Variants in ARHGAP24 observed in about 807,000 individuals in gnomAD.
The protein encoded by ARHGAP24 is Rho GTPase activating protein 24, also known as rho GTPase-activating protein 24.
Under a neutral mutation model 76.4 loss-of-function variants are expected in ARHGAP24, and 50 were observed. That is an observed-to-expected ratio of 0.65 (90% CI 0.52 to 0.83). ARHGAP24 has a LOEUF of 0.83. Among genes scored for constraint, ARHGAP24 ranks in the 40% least tolerant of loss-of-function variants. The pLI, the probability that ARHGAP24 is intolerant of heterozygous loss-of-function variation, is 0.00. For synonymous variants in ARHGAP24, 345 were observed against 323.3 expected, an observed-to-expected ratio of 1.07 and a Z score of -0.72; for missense variants, 930 against 914.2, an observed-to-expected ratio of 1.02 and a Z score of -0.22.
At chr4:85,494,226 G>A (rs1723469376) in intron 1 of ARHGAP24, among the ~76,000 whole-genome samples, 1 of 151,878 alleles carries the variant, frequency 6.6e-6, no homozygotes, top group South Asian at 2.1e-4. Flanking sequence ...GTATACATGT[G>A]CCATGGTGAT....
chr4:85,550,179 A>G (rs559598338), intron 1 of ARHGAP24, among the ~76,000 whole-genome samples: 3 of 152,282 alleles, frequency 2.0e-5, no homozygotes, highest in South Asian at 4.1e-4. Context: ...AAATCACCAA[A>G]CTGCTTTTCA....
intron 2 of ARHGAP24, among the ~76,000 whole-genome samples, chr4:85,587,486 A>C (rs1432470778): frequency 6.6e-6 from 1 of 152,154 alleles, no homozygotes; most frequent in Non-Finnish European, 1.5e-5. Flanking sequence ...ATGATGTTTA[A>C]ATTTTATTAG....
chr4:85,592,975 A>G (rs1480031347), intron 2 of ARHGAP24, among the ~76,000 whole-genome samples: 1 of 152,082 alleles, frequency 6.6e-6, no homozygotes. Context: ...TATACCTAGC[A>G]ATGGGATTAA....
intron 3 of ARHGAP24, among the ~76,000 whole-genome samples, chr4:85,726,167 G>A (rs989287120): frequency 1.3e-4 from 20 of 152,110 alleles, no homozygotes; most frequent in African/African-American, 4.1e-4. Context: ...AAACCTGGCA[G>A]AGAAGTGGCT....
At chr4:85,993,982 G>A (rs888486601) in intron 8 of ARHGAP24, among the ~76,000 whole-genome samples, 2 of 152,098 alleles carry the variant, frequency 1.3e-5, no homozygotes, top group African/African-American at 4.8e-5. Context: ...ACACCATTCT[G>A]GCTGATGTCG....
At chr4:85,705,113 A>G (rs1724262012) in intron 2 of ARHGAP24, among the ~76,000 whole-genome samples, 1 of 152,130 alleles carries the variant, frequency 6.6e-6, no homozygotes, top group African/African-American at 2.4e-5. Flanking sequence ...ACTAAGAATA[A>G]TAACACACTA....
At chr4:85,609,155 A>G (rs894164204) in intron 2 of ARHGAP24, among the ~76,000 whole-genome samples, 28 of 152,234 alleles carry the variant, frequency 1.8e-4, no homozygotes, top group African/African-American at 5.8e-4. Flanking sequence ...AGGATTGAAT[A>G]AATATGCTCT....
At chr4:85,799,259 C>A (rs1421346108) in intron 3 of ARHGAP24, among the ~76,000 whole-genome samples, 1 of 151,694 alleles carries the variant, frequency 6.6e-6, no homozygotes, top group Non-Finnish European at 1.5e-5. Context: ...GATTCCAGGG[C>A]AGGTGCAGAG....
chr4:85,733,591 G>T (rs543460926), intron 3 of ARHGAP24, among the ~76,000 whole-genome samples: 1 of 152,116 alleles, frequency 6.6e-6, no homozygotes, highest in Non-Finnish European at 1.5e-5. Flanking sequence ...ACTACAAACT[G>T]GGTGACATAA....
chr4:85,860,996 GCACGCACACACA>G (rs1560678183), intron 3 of ARHGAP24, among the ~76,000 whole-genome samples: 1 of 140,076 alleles, frequency 7.1e-6, no homozygotes, highest in African/African-American at 2.8e-5. Context: ...TTCTGTGCAT[GCACGCACACACA>G]CACACACACA....
intron 3 of ARHGAP24, among the ~76,000 whole-genome samples, chr4:85,814,566 T>A (rs553584751): frequency 6.6e-6 from 1 of 152,212 alleles, no homozygotes; most frequent in African/African-American, 2.4e-5. Flanking sequence ...TTTGACTACA[T>A]GTCTTATATC....
chr4:85,552,245 G>A (rs1172411291), intron 1 of ARHGAP24, among the ~76,000 whole-genome samples: 1 of 152,100 alleles, frequency 6.6e-6, no homozygotes, highest in Non-Finnish European at 1.5e-5. Context: ...TACAGTCAAG[G>A]AATTTCATGA....
At chr4:85,541,090 A>T (rs1302838033) in intron 1 of ARHGAP24, among the ~76,000 whole-genome samples, 1 of 139,234 alleles carries the variant, frequency 7.2e-6, no homozygotes, top group Admixed American at 6.9e-5. Flanking sequence ...TGTGAATAAC[A>T]GTCCTCCGTT....
intron 2 of ARHGAP24, among the ~76,000 whole-genome samples, chr4:85,651,865 T>C (rs1208067114): frequency 6.6e-6 from 1 of 152,116 alleles, no homozygotes; most frequent in Non-Finnish European, 1.5e-5. Flanking sequence ...AGTGATTTTA[T>C]TTAAATGGTT....
chr4:85,867,549 C>T (rs1732264161), intron 3 of ARHGAP24, among the ~76,000 whole-genome samples: 1 of 151,942 alleles, frequency 6.6e-6, no homozygotes, highest in Non-Finnish European at 1.5e-5. Flanking sequence ...CTGGGACATC[C>T]TCTTTTTCTC....
chr4:85,526,994 T>C (rs1320755564), intron 1 of ARHGAP24, among the ~76,000 whole-genome samples: 3 of 152,166 alleles, frequency 2.0e-5, no homozygotes, highest in Non-Finnish European at 4.4e-5. Flanking sequence ...TCTTAAAGTC[T>C]ACTCACTGCT....
At chr4:85,627,743 T>C (rs771920207) in intron 2 of ARHGAP24, among the ~76,000 whole-genome samples, 4 of 152,236 alleles carry the variant, frequency 2.6e-5, no homozygotes, top group Non-Finnish European at 5.9e-5. Context: ...CCGGCTGCTC[T>C]GTTTACCTAA....
intron 1 of ARHGAP24, among the ~76,000 whole-genome samples, chr4:85,564,944 A>C: frequency 9.6e-6 from 1 of 104,078 alleles, no homozygotes; most frequent in South Asian, 2.9e-4. Context: ...ATATATATAT[A>C]TATATATATA....
intron 5 of ARHGAP24, among the ~76,000 whole-genome samples, chr4:85,945,391 T>C (rs922283398): frequency 6.6e-6 from 1 of 151,958 alleles, no homozygotes; most frequent in African/African-American, 2.4e-5. Flanking sequence ...TGTCTCAAGG[T>C]TTGCTTTGTA....
Sources: allele counts gnomAD v4.1 joint callset (sites outside exome capture counted in the v4.1 genomes callset), GRCh38; gene constraint gnomAD v4.1.1; transcripts MANE v1.5; gene names NCBI Gene and HGNC (gene_info 2026-07-23, HGNC 2026-07-21).